Variants in CUX2 observed in about 807,000 individuals in gnomAD.
CUX2 encodes homeobox protein cut-like 2.
CUX2 carries 40 observed loss-of-function variants against 144.8 expected under a neutral mutation model. That is an observed-to-expected ratio of 0.28 (90% CI 0.21 to 0.36). CUX2 has a LOEUF of 0.36. Among genes scored for constraint, CUX2 ranks in the 10% least tolerant of loss-of-function variants. CUX2 has a pLI of 1.00. For synonymous variants in CUX2, 827 were observed against 875.6 expected, an observed-to-expected ratio of 0.94 and a Z score of 0.98; for missense variants, 1,615 against 1,994.0, an observed-to-expected ratio of 0.81 and a Z score of 3.62.
intron 1 of CUX2, among the ~76,000 whole-genome samples, chr12:111,093,401 G>A (rs1464232963): frequency 6.6e-6 from 1 of 152,064 alleles, no homozygotes. Flanking sequence ...TTACACAGAC[G>A]AGAACTGTGT....
intron 20 of CUX2, among the ~76,000 whole-genome samples, chr12:111,341,424 G>A (rs1888569955): frequency 1.3e-5 from 2 of 152,236 alleles, no homozygotes; most frequent in Admixed American, 1.3e-4. Flanking sequence ...CTGCACCGCT[G>A]TACTCCAGGC....
intron 1 of CUX2, among the ~76,000 whole-genome samples, chr12:111,078,493 C>T (rs1315884251): frequency 6.7e-6 from 1 of 148,966 alleles, no homozygotes; most frequent in Admixed American, 6.6e-5. Context: ...ATAGTGAGAC[C>T]CCCATCTCTA....
At chr12:111,184,596 A>C (rs922170845) in intron 1 of CUX2, among the ~76,000 whole-genome samples, 1 of 150,708 alleles carries the variant, frequency 6.6e-6, no homozygotes, top group Non-Finnish European at 1.5e-5. Context: ...AAAAAAAAAA[A>C]AAACAGAAAA....
chr12:111,034,318 G>A lies in CUX2; in HGVS notation c.63+78G>A. ...CTGGGCGCATTGGGGAGGTCCCCGG[G>A]CGGGCAGGCGGACGCCCTGGGGCGG... On this transcript the variant is annotated intron_variant, in intron 1 of 21. Transcript: ENST00000261726. This position sits in a 1 kb window ranked among gnomAD's most constrained non-coding sequence, Gnocchi z 4.2. 1 of 920,722 alleles carries A rather than the reference G, an allele frequency of 1.1e-6. No individual in the cohort carries two copies. Among genetic ancestry groups the A allele is most frequent in the Non-Finnish European group, 1.3e-6 (1 of 745,130 alleles). The allele number at this position is 920,722 out of a possible 1,614,324, so 57.0% of individuals were successfully genotyped here.
intron 1 of CUX2, among the ~76,000 whole-genome samples, chr12:111,192,534 T>C (rs1416788312): frequency 1.3e-5 from 2 of 152,014 alleles, no homozygotes; most frequent in African/African-American, 4.8e-5. Flanking sequence ...TTTCACTAGA[T>C]CTTCATCAGG....
chr12:111,276,894 G>A (rs944446853), intron 4 of CUX2, among the ~76,000 whole-genome samples: 6 of 152,158 alleles, frequency 3.9e-5, no homozygotes, highest in Non-Finnish European at 7.4e-5. Context: ...TGATCTGCCC[G>A]CCTTGGCCTC....
chr12:111,204,534 T>C (rs1880797378), intron 1 of CUX2, among the ~76,000 whole-genome samples: 1 of 152,126 alleles, frequency 6.6e-6, no homozygotes, highest in African/African-American at 2.4e-5. Context: ...TAGGGAAAGA[T>C]TGTCCTCCAG....
At chr12:111,309,883 CTCTCTCTG>C (rs1307859037) in intron 14 of CUX2, among the ~76,000 whole-genome samples, 150 bp from the exon 15 acceptor site, 1 of 151,622 alleles carries the variant, frequency 6.6e-6, no homozygotes, top group East Asian at 1.9e-4. Flanking sequence ...CTCTCCCTCT[CTCTCTCTG>C]TCTCTCTGAT....
chr12:111,298,078 T>G (rs1886099924), intron 8 of CUX2, among the ~76,000 whole-genome samples: 1 of 152,190 alleles, frequency 6.6e-6, no homozygotes, highest in Non-Finnish European at 1.5e-5. Context: ...GCTCCCCACG[T>G]GCCCCCCGCG....
chr12:111,329,099 C>G (rs1198030969), intron 18 of CUX2, among the ~76,000 whole-genome samples: 2 of 148,232 alleles, frequency 1.3e-5, no homozygotes, highest in Non-Finnish European at 3.0e-5. Flanking sequence ...CCCTCCCTGT[C>G]CCTCCAGTGC....
chr12:111,168,711 G>C (rs1288360886), intron 1 of CUX2, among the ~76,000 whole-genome samples: 1 of 152,210 alleles, frequency 6.6e-6, no homozygotes, highest in African/African-American at 2.4e-5. Flanking sequence ...TGATATGAAA[G>C]TTACTAATCG....
At chr12:111,038,060 G>T (rs999657903) in intron 1 of CUX2, among the ~76,000 whole-genome samples, 1 of 152,204 alleles carries the variant, frequency 6.6e-6, no homozygotes, top group Non-Finnish European at 1.5e-5. Context: ...CAAGGAGTTT[G>T]GAGAAACTTC....
At chr12:111,145,786 C>A (rs1226395627) in intron 1 of CUX2, among the ~76,000 whole-genome samples, 1 of 152,220 alleles carries the variant, frequency 6.6e-6, no homozygotes, top group Non-Finnish European at 1.5e-5. Context: ...CCTGCCTCAG[C>A]CTCCCGAGTA....
intron 1 of CUX2, among the ~76,000 whole-genome samples, chr12:111,040,418 G>A (rs1869684702): frequency 6.6e-6 from 1 of 151,624 alleles, no homozygotes; most frequent in African/African-American, 2.4e-5. Flanking sequence ...CCACTGTACC[G>A]CAGCGGCCTT....
rs1427649425 is a variant in CUX2 at position 111,287,449 on chromosome 12, A to G, written c.302-3969A>G. On this transcript the variant is annotated intron_variant, in intron 4 of 21. Coordinates refer to ENST00000261726, the MANE Select transcript of CUX2 (RefSeq NM_015267.4). This position sits in a 1 kb window ranked among gnomAD's most constrained non-coding sequence, Gnocchi z 4.2. ...TCTCAAAAACCGGGACACAATAGGA[A>G]GCGTTTCCTTGAACTTATTAAAAAA... Among the ~76,000 whole-genome samples the G allele has an allele frequency of 6.6e-6, 1 of 152,248 alleles. No homozygotes were observed. Among genetic ancestry groups the G allele is most frequent in the Non-Finnish European group, 1.5e-5 (1 of 68,046 alleles).
chr12:111,093,466 A>G (rs1374319102), intron 1 of CUX2, among the ~76,000 whole-genome samples: 2 of 152,024 alleles, frequency 1.3e-5, no homozygotes, highest in African/African-American at 4.8e-5. Context: ...ATAATAGACA[A>G]GCCTCGTCTG....
At chr12:111,340,944 A>T (rs545303293) in intron 20 of CUX2, among the ~76,000 whole-genome samples, 1 of 152,340 alleles carries the variant, frequency 6.6e-6, no homozygotes, top group East Asian at 1.9e-4. Flanking sequence ...TGGAAACCGG[A>T]CACAGCAGTA....
Position 111,295,378 on chromosome 12 carries a change from G to A in CUX2, c.606G>A (p.Glu202=), listed in dbSNP as rs2136338994. 1 of 1,612,748 alleles carries A rather than the reference G, an allele frequency of 6.2e-7. No homozygotes were observed. The highest frequency in any genetic ancestry group is 1.1e-5 in the South Asian group (1 of 90,616). ...VQITLAARLG[E]AEEKIKVLHS... ...TCACTTTGGCGGCCAGACTGGGGGAGGCAGAGGAGAAAATCAAAGTCCTAC... is the reference window on the plus strand; with the variant it reads ...TCACTTTGGCGGCCAGACTGGGGGAAGCAGAGGAGAAAATCAAAGTCCTAC... Residue 202 remains glutamate (E), a synonymous_variant, in exon 7 of 22, where the codon GAG becomes GAA. Transcript: ENST00000261726. This position sits in a 1 kb window ranked among gnomAD's most constrained non-coding sequence, Gnocchi z 5.0.
chr12:111,283,540 A>G (rs1204768162), intron 4 of CUX2, among the ~76,000 whole-genome samples: 2 of 152,166 alleles, frequency 1.3e-5, no homozygotes, highest in African/African-American at 2.4e-5. Context: ...GCGTGCTCAG[A>G]TAACCCCAGC....
Sources: allele counts gnomAD v4.1 joint callset (sites outside exome capture counted in the v4.1 genomes callset), GRCh38; gene constraint gnomAD v4.1.1; non-coding constraint Gnocchi (gnomAD v3.1); transcripts MANE v1.5; gene names NCBI Gene and HGNC (gene_info 2026-07-23, HGNC 2026-07-21).